LRP1B: variants seen among roughly 807,000 people sequenced by gnomAD.
The protein encoded by LRP1B is low-density lipoprotein receptor-related protein 1B.
LRP1B carries 217 observed loss-of-function variants against 556.6 expected under a neutral mutation model. That is an observed-to-expected ratio of 0.39 (90% CI 0.35 to 0.44). The LOEUF (loss-of-function observed/expected upper bound fraction) is 0.44. Ranked by LOEUF, LRP1B falls within the 20% of genes least tolerant of loss-of-function variation. The pLI, the probability that LRP1B is intolerant of heterozygous loss-of-function variation, is 1.00. For synonymous variants in LRP1B, 2,047 were observed against 1,865.8 expected (o/e 1.10, Z -2.50); for missense variants, 5,053 against 5,620.8 (o/e 0.90, Z 3.23).
chr2:141,110,449 T>C lies in LRP1B; in HGVS notation c.1014-48176A>G, dbSNP rs527877521. ...ACAGATTAACAAGAGAAGGAAAAGTTTGCTCATATGCGTATGAGGTCTACA... is the reference window on the plus strand; with the variant it reads ...ACAGATTAACAAGAGAAGGAAAAGTCTGCTCATATGCGTATGAGGTCTACA... On this transcript the variant is annotated intron_variant, in intron 7 of 90. Transcript: ENST00000389484. Among the ~76,000 whole-genome samples the C allele has an allele frequency of 1.8e-4, 28 of 152,238 alleles. No homozygotes were observed. In the East Asian group the frequency reaches 5.0e-3, roughly 27 times the overall value.
chr2:141,795,857 A>AAAAAATAT (rs1491180183), intron 2 of LRP1B, among the ~76,000 whole-genome samples: 61 of 51,602 alleles, frequency 1.2e-3, no homozygotes, highest in African/African-American at 4.3e-3. Context: ...AACCAGGAGC[A>AAAAAATAT]ATATATATAT....
intron 2 of LRP1B, among the ~76,000 whole-genome samples, chr2:141,487,765 A>C (rs1268934184): frequency 6.6e-6 from 1 of 152,158 alleles, no homozygotes; most frequent in Non-Finnish European, 1.5e-5. Context: ...GGTTAGGCTC[A>C]AACCCTAGTC....
chr2:140,523,467 A>G (rs1277085802), intron 49 of LRP1B, among the ~76,000 whole-genome samples: 1 of 151,968 alleles, frequency 6.6e-6, no homozygotes, highest in Non-Finnish European at 1.5e-5. Context: ...TGCCCCTGAG[A>G]TCTGGAACAA....
chr2:142,052,606 C>T (rs566902957), intron 1 of LRP1B, among the ~76,000 whole-genome samples: 1 of 152,246 alleles, frequency 6.6e-6, no homozygotes, highest in East Asian at 1.9e-4. Flanking sequence ...GTTCCTCCCC[C>T]TCACGTGTAA....
At chr2:141,397,293 G>C (rs920742859) in intron 3 of LRP1B, among the ~76,000 whole-genome samples, 2 of 151,210 alleles carry the variant, frequency 1.3e-5, no homozygotes, top group Admixed American at 1.3e-4. Flanking sequence ...TCCTTCTTTC[G>C]TAGATATTTC....
intron 6 of LRP1B, among the ~76,000 whole-genome samples, chr2:141,205,404 T>C (rs903176335): frequency 1.3e-5 from 2 of 152,180 alleles, no homozygotes; most frequent in Admixed American, 6.5e-5. Context: ...TAGATAACAA[T>C]GAGAGTCCCA....
At chr2:140,633,011 C>T (rs1249397515) in intron 41 of LRP1B, among the ~76,000 whole-genome samples, 3 of 149,232 alleles carry the variant, frequency 2.0e-5, no homozygotes, top group Non-Finnish European at 3.0e-5. Flanking sequence ...TGCAGTGAGC[C>T]GAGATCATGC....
At chr2:140,718,972 A>G (rs987055217) in intron 35 of LRP1B, among the ~76,000 whole-genome samples, 3 of 151,962 alleles carry the variant, frequency 2.0e-5, no homozygotes, top group African/African-American at 7.2e-5. Context: ...TTCTTTTACC[A>G]TGCTCTATTC....
At chr2:141,047,061 T>TC (rs1558823502) in intron 11 of LRP1B, among the ~76,000 whole-genome samples, 13 of 7,420 alleles carry the variant, frequency 1.8e-3, no homozygotes, top group Non-Finnish European at 5.3e-3. Context: ...AAATTAATAA[T>TC]AATAATAATA....
intron 2 of LRP1B, among the ~76,000 whole-genome samples, chr2:141,708,609 C>G (rs1008822298): frequency 6.6e-6 from 1 of 152,128 alleles, no homozygotes; most frequent in Non-Finnish European, 1.5e-5. Flanking sequence ...ACTGCTTTTT[C>G]TAATGACTCT....
rs1559131028 is a variant in LRP1B at position 141,544,328 on chromosome 2, C to CTTCTTCTTCTTCTT, written c.206-63809_206-63796dup. Among the ~76,000 whole-genome samples, 105 of 36,928 alleles carry CTTCTTCTTCTTCTT rather than the reference C, an allele frequency of 2.8e-3. 3 individuals carry two copies. In the South Asian group the frequency reaches 0.034, roughly 12 times the overall value. 24.2% of individuals were successfully genotyped at this position (36,928 alleles called of 152,430 possible). ...TCTTCTTCTTCTTCTTCTTCTTCTT[C>CTTCTTCTTCTTCTT]TTCTTCTTCTTCTTCTTCTTCTTCT... On this transcript the variant is annotated intron_variant, in intron 2 of 90. Coordinates refer to ENST00000389484, the MANE Select transcript of LRP1B (RefSeq NM_018557.3).
At chr2:140,880,038 G>T (rs767424484) in intron 25 of LRP1B, among the ~76,000 whole-genome samples, 1 of 151,486 alleles carries the variant, frequency 6.6e-6, no homozygotes, top group Non-Finnish European at 1.5e-5. Context: ...AATATTCCTA[G>T]ATAGGATTAA....
chr2:140,881,207 T>C (rs980220950), intron 25 of LRP1B, among the ~76,000 whole-genome samples: 1 of 151,826 alleles, frequency 6.6e-6, no homozygotes, highest in East Asian at 1.9e-4. Context: ...TAAATAAAAT[T>C]ATATTTCAAT....
At chr2:140,771,071 ACGTCAATAATTTGAC>A in intron 33 of LRP1B, 65 bp from the exon 34 acceptor site, 2 of 1,235,558 alleles carry the variant, frequency 1.6e-6, no homozygotes, top group South Asian at 2.9e-5. Flanking sequence ...GTTTTATTTA[ACGTCAATAATTTGAC>A]AAATATGTAT....
At chr2:141,942,329 T>C (rs1700833491) in intron 1 of LRP1B, among the ~76,000 whole-genome samples, 1 of 152,162 alleles carries the variant, frequency 6.6e-6, no homozygotes, top group South Asian at 2.1e-4. Context: ...GCCTGTGAAG[T>C]ACAGTAGCAG....
At chr2:141,704,394 C>A (rs531034930) in intron 2 of LRP1B, among the ~76,000 whole-genome samples, 77 of 152,038 alleles carry the variant, frequency 5.1e-4, no homozygotes, top group African/African-American at 1.8e-3. Flanking sequence ...AGTGCCTTCT[C>A]AATCATCAAA....
chr2:141,505,119 C>T (rs773748995), intron 2 of LRP1B, among the ~76,000 whole-genome samples: 9 of 151,830 alleles, frequency 5.9e-5, no homozygotes, highest in African/African-American at 2.2e-4. Context: ...CTCTCTCCCC[C>T]TCTCTCTCTT....
At chr2:141,908,973 C>T (rs1460494648) in intron 1 of LRP1B, among the ~76,000 whole-genome samples, 3 of 152,022 alleles carry the variant, frequency 2.0e-5, no homozygotes, top group East Asian at 3.9e-4. Context: ...ATGGCAGTTA[C>T]GGTAGCCATG....
chr2:141,603,299 TATA>T (rs1238055052), intron 2 of LRP1B, among the ~76,000 whole-genome samples: 1 of 152,212 alleles, frequency 6.6e-6, no homozygotes, highest in African/African-American at 2.4e-5. Context: ...TTTTTTGAAT[TATA>T]ATAGTAACAG....
Sources: gnomAD v4.1 joint callset for allele counts (sites outside exome capture counted in the v4.1 genomes callset) on GRCh38, gnomAD v4.1.1 for gene constraint, MANE v1.5 for transcripts, NCBI Gene and HGNC (gene_info 2026-07-23, HGNC 2026-07-21) for gene names.